Variants in LGR4 observed in about 807,000 individuals in gnomAD.
LGR4 encodes leucine rich repeat containing G protein-coupled receptor 4.
In LGR4, 44 loss-of-function variants were observed where a neutral mutation model predicts 84.8. The observed-to-expected ratio is 0.52, with a 90% confidence interval of 0.41 to 0.67. The LOEUF is 0.67. Ranked by LOEUF, LGR4 falls within the 30% of genes least tolerant of loss-of-function variation. The pLI, the probability that LGR4 is intolerant of heterozygous loss-of-function variation, is 0.00. For synonymous variants in LGR4, 429 were observed against 434.3 expected (o/e 0.99, Z 0.15); for missense variants, 1,032 against 1,131.4 (o/e 0.91, Z 1.26).
At chr11:27,370,437 CT>C (rs1334094758) in intron 17 of LGR4, among the ~76,000 whole-genome samples, 3 of 152,162 alleles carry the variant, frequency 2.0e-5, no homozygotes, top group Non-Finnish European at 4.4e-5. Flanking sequence ...AGAAAGGTTA[CT>C]TTTCCAAAAA....
At chr11:27,434,181 G>A (rs1477312045) in intron 1 of LGR4, among the ~76,000 whole-genome samples, 1 of 152,212 alleles carries the variant, frequency 6.6e-6, no homozygotes, top group Non-Finnish European at 1.5e-5. Context: ...CAAAACTGAA[G>A]GCCAGGACAG....
Position 27,368,063 on chromosome 11 carries a change from G to C in LGR4, c.2660C>G (p.Ala887Gly). 1 of 1,573,606 alleles carries C rather than the reference G, an allele frequency of 6.4e-7. No homozygotes were observed. The highest frequency in any genetic ancestry group is 8.7e-7 in the Non-Finnish European group (1 of 1,154,230). The change falls in exon 18 of 18, where the codon GCT becomes GGT. Residue 887 changes from alanine (A) to glycine (G), a missense_variant. Ala to Gly is a moderately conservative substitution (Grantham distance 60). Coordinates refer to ENST00000379214, the MANE Select transcript of LGR4 (RefSeq NM_018490.5). ...GTAGCCCTCAGGTCTTTGGCAAGAA[G>C]CCACTGCCAATGCAGGACAGCTGTG... ...KSHSCPALAV[A>G]SCQRPEGYWS...
At chr11:27,453,935 T>C (rs184935871) in intron 1 of LGR4, among the ~76,000 whole-genome samples, 9 of 152,276 alleles carry the variant, frequency 5.9e-5, no homozygotes, top group East Asian at 1.9e-4. Context: ...TACACCCTTT[T>C]GGAATTTAGT....
At chr11:27,423,031 G>GT (rs1190728957) in intron 1 of LGR4, among the ~76,000 whole-genome samples, 1 of 152,010 alleles carries the variant, frequency 6.6e-6, no homozygotes, top group Non-Finnish European at 1.5e-5. Context: ...TGCATAAAAT[G>GT]TTTATACATA....
intron 2 of LGR4, among the ~76,000 whole-genome samples, chr11:27,402,067 G>C (rs1227347966): frequency 6.6e-6 from 1 of 152,274 alleles, no homozygotes; most frequent in African/African-American, 2.4e-5. Flanking sequence ...AGACCCTGTT[G>C]GTTGCCCACC....
At chr11:27,422,868 G>T (rs1388566886) in intron 1 of LGR4, among the ~76,000 whole-genome samples, 1 of 151,836 alleles carries the variant, frequency 6.6e-6, no homozygotes, top group Non-Finnish European at 1.5e-5. Flanking sequence ...GATCCCATGG[G>T]GTATTTACAA....
chr11:27,389,823 A>G (rs1863248668), intron 4 of LGR4, among the ~76,000 whole-genome samples: 1 of 152,154 alleles, frequency 6.6e-6, no homozygotes, highest in Non-Finnish European at 1.5e-5. Context: ...TAACATTTCT[A>G]TAAGGGAACT....
chr11:27,441,472 C>A (rs1256658696), intron 1 of LGR4, among the ~76,000 whole-genome samples: 1 of 151,750 alleles, frequency 6.6e-6, no homozygotes, highest in Non-Finnish European at 1.5e-5. Flanking sequence ...TAAAAAATCG[C>A]CTTTAATAAG....
chr11:27,372,486 C>T, intron 15 of LGR4, 88 bp from the exon 16 acceptor site: 2 of 805,052 alleles, frequency 2.5e-6, no homozygotes, highest in Non-Finnish European at 4.3e-6. Context: ...CTTTGAAAAC[C>T]TCAGCCTAGG....
chr11:27,397,073 A>G (rs1863405319), intron 2 of LGR4, among the ~76,000 whole-genome samples: 1 of 152,084 alleles, frequency 6.6e-6, no homozygotes, highest in South Asian at 2.1e-4. Flanking sequence ...AAAAAGCACA[A>G]TTCTAAGCAT....
chr11:27,428,058 G>T (rs1467785356), intron 1 of LGR4, among the ~76,000 whole-genome samples: 2 of 151,902 alleles, frequency 1.3e-5, no homozygotes. Flanking sequence ...CAAGAGTCGG[G>T]GGGTGGAAGT....
chr11:27,440,534 T>C (rs924939021), intron 1 of LGR4, among the ~76,000 whole-genome samples: 1 of 152,218 alleles, frequency 6.6e-6, no homozygotes, highest in African/African-American at 2.4e-5. Flanking sequence ...ACAAGTTCAA[T>C]GGTTCTCATG....
chr11:27,448,467 T>C (rs987283061), intron 1 of LGR4, among the ~76,000 whole-genome samples: 1 of 151,994 alleles, frequency 6.6e-6, no homozygotes, highest in African/African-American at 2.4e-5. Context: ...TAATTTTGTA[T>C]TTTTAGTAGA....
chr11:27,415,833 G>C (rs1011996790), intron 1 of LGR4, among the ~76,000 whole-genome samples: 1 of 151,932 alleles, frequency 6.6e-6, no homozygotes, highest in African/African-American at 2.4e-5. Context: ...AAAATAATGA[G>C]GGCTGATGGT....
intron 2 of LGR4, among the ~76,000 whole-genome samples, chr11:27,399,394 T>C: frequency 6.6e-6 from 1 of 152,194 alleles, no homozygotes; most frequent in East Asian, 1.9e-4. Context: ...CCCATGATAC[T>C]GCCTCCAGAG....
chr11:27,422,266 C>T (rs979276048), intron 1 of LGR4, among the ~76,000 whole-genome samples: 3 of 152,190 alleles, frequency 2.0e-5, no homozygotes, highest in Non-Finnish European at 2.9e-5. Flanking sequence ...TTCTAATTAA[C>T]TAAATGGGTT....
intron 10 of LGR4, 149 bp from the exon 11 acceptor site, chr11:27,378,917 CAAG>C (rs1025213591): frequency 6.6e-6 from 4 of 605,680 alleles, no homozygotes; most frequent in Non-Finnish European, 1.2e-5. Context: ...GTTAGACATG[CAAG>C]AAGGTGAACT....
intron 17 of LGR4, among the ~76,000 whole-genome samples, chr11:27,371,115 T>A (rs1351907754): frequency 2.6e-5 from 4 of 152,338 alleles, no homozygotes; most frequent in African/African-American, 9.6e-5. Context: ...CTAAAATATT[T>A]AAGCCTTCCT....
At chr11:27,429,938 G>C (rs919796280) in intron 1 of LGR4, among the ~76,000 whole-genome samples, 3 of 152,108 alleles carry the variant, frequency 2.0e-5, no homozygotes, top group Non-Finnish European at 4.4e-5. Context: ...CTGCAGGGCA[G>C]GGGGAAGTTC....
Sources: allele counts gnomAD v4.1 joint callset (sites outside exome capture counted in the v4.1 genomes callset), GRCh38; gene constraint gnomAD v4.1.1; transcripts MANE v1.5; gene names NCBI Gene and HGNC (gene_info 2026-07-23, HGNC 2026-07-21).